The following PKD1 variants were observed in gnomAD, a reference collection of about 807,000 sequenced individuals.
The protein encoded by PKD1 is polycystin 1, transient receptor potential channel interacting, also known as polycystin-1.
Under a neutral mutation model 361.7 loss-of-function variants are expected in PKD1, and 81 were observed. The ratio of observed to expected loss-of-function variants is 0.22; its 90% CI spans 0.19 to 0.27. PKD1 has a LOEUF of 0.27. PKD1 is among the 10% of genes least tolerant of loss of function. The pLI is 1.00. For missense variants in PKD1, 6,399 were observed against 6,118.3 expected, an observed-to-expected ratio of 1.05 and a Z score of -1.53; for synonymous variants, 3,615 against 2,818.3, an observed-to-expected ratio of 1.28 and a Z score of -8.95.
chr16:2,121,524 G>A (rs1180574369), intron 1 of PKD1, among the ~76,000 whole-genome samples: 2 of 152,202 alleles, frequency 1.3e-5, no homozygotes, highest in African/African-American at 4.8e-5. Context: ...AGTCAGTGAA[G>A]AAAAAGCAAC....
In PKD1 at chr16:2,091,692, C is replaced by T; in HGVS notation, c.11537+89G>A. On this transcript the variant is annotated intron_variant, in intron 41 of 45. Coordinates refer to ENST00000262304, the MANE Select transcript of PKD1 (RefSeq NM_001009944.3). ...CGTGGCTGAGGGGCTGTGGAAGCCG[C>T]CTAGGCCAGCGGGGGCCGGAGGAGT... 5 of 1,571,902 alleles carry T rather than the reference C, an allele frequency of 3.2e-6. No homozygotes were observed. In the South Asian group the frequency reaches 5.7e-5, roughly 18 times the overall value.
Position 2,106,347 on chromosome 16 carries a change from G to C in PKD1, c.7490-43C>G, listed in dbSNP as rs4080088. ...CGGCATCACGGGAGGGCTCCGTGAC[G>C]TCACAGAGTCGGGGGATCCCGCTGC... On this transcript the variant is annotated intron_variant, in intron 18 of 45. Coordinates refer to ENST00000262304, the MANE Select transcript of PKD1 (RefSeq NM_001009944.3). This position sits in a 1 kb window ranked among gnomAD's most constrained non-coding sequence, Gnocchi z 6.5. 40 of 1,603,064 alleles carry C rather than the reference G, an allele frequency of 2.5e-5. 1 individual carries two copies. Among genetic ancestry groups the C allele is most frequent in the East Asian group, 6.7e-5 (3 of 44,632 alleles).
rs1442705119 is a variant in PKD1 at position 2,116,047 on chromosome 16, C to T, written c.1794G>A (p.Glu598=). The T allele has an allele frequency of 1.8e-5, 28 of 1,530,618 alleles. No individual in the cohort carries two copies. The highest frequency in any genetic ancestry group is 8.3e-5 in the African/African-American group (6 of 72,710). The allele number at this position is 1,530,618 out of a possible 1,614,324, so 94.8% of individuals were successfully genotyped here. A position where few individuals can be genotyped will look rare whatever the true frequency, so the allele number is the denominator to read the frequency against. ...GCCGCAGCTGGGCGGGCCGCCGGAG[C>T]TCCTGGGTCCCAAATTCGGCCGTGG... ...FLTTAEFGTQ[E]LRRPAQLRLQ... Residue 598 remains glutamate (E), a synonymous_variant, in exon 9 of 46, where the codon GAG becomes GAA. Transcript: ENST00000262304.
At chr16:2,131,448 C>G (rs1451474201) in intron 1 of PKD1, among the ~76,000 whole-genome samples, 3 of 151,928 alleles carry the variant, frequency 2.0e-5, no homozygotes, top group Non-Finnish European at 4.4e-5. Flanking sequence ...GCGGAGCTTG[C>G]AGTGAGCTGA....
rs1262028512 is a variant in PKD1, at chr16:2,090,454, G to A, written c.12275C>T (p.Ala4092Val). The A allele has an allele frequency of 2.5e-6, 4 of 1,612,210 alleles. No individual in the cohort carries two copies. The highest frequency in any genetic ancestry group is 1.3e-5 in the African/African-American group (1 of 74,908). The change falls in exon 45 of 46, where the codon GCA (alanine) becomes GTA (valine). Residue 4092 changes from alanine to valine, a missense_variant. Ala to Val is a moderately conservative substitution (Grantham distance 64, BLOSUM62 0). Transcript: ENST00000262304. Reference sequence around the variant, plus strand: ...CCGTAGGGCGCCCCACAGCCGCAGTGCCCAGAGCCCCACACACAGCAGGGG... The same window carrying A: ...CCGTAGGGCGCCCCACAGCCGCAGTACCCAGAGCCCCACACACAGCAGGGG... ...LSPLLCVGLWALRLWGALRLG... is the reference protein window; with the variant it reads ...LSPLLCVGLWVLRLWGALRLG...
intron 16 of PKD1, 156 bp from the exon 17 acceptor site, chr16:2,107,104 G>A (rs1209455683): frequency 4.1e-6 from 3 of 731,798 alleles, no homozygotes; most frequent in Non-Finnish European, 7.2e-6. Context: ...CATCCGGTTT[G>A]CCACCTTCCA....
Position 2,111,666 on chromosome 16 carries a change from G to C in PKD1, c.3501C>G (p.Ser1167=). The C allele has an allele frequency of 6.3e-7, 1 of 1,575,240 alleles. No homozygotes were observed. The highest frequency in any genetic ancestry group is 8.6e-7 in the Non-Finnish European group (1 of 1,161,804). The part of the protein sequence containing the change: ...VLYTWDFGDG[S]PVLTQSQPAA... ...CCGGCTGGCTCTGGGTCAGGACAGG[G>C]GAGCCGTCCCCGAAGTCCCACGTGT... The change falls in exon 15 of 46, where the codon TCC becomes TCG. Residue 1167 remains serine, a synonymous_variant. Transcript: ENST00000262304.
At position 2,094,140 on chromosome 16, in the gene PKD1, G is replaced by C; in HGVS notation, c.10570C>G (p.Pro3524Ala). 1.9e-6 allele frequency: 3 copies of C among 1,597,756 alleles called. No individual in the cohort carries two copies. Among genetic ancestry groups the C allele is most frequent in the Non-Finnish European group, 2.6e-6 (3 of 1,172,298 alleles). The part of the protein sequence containing the change: ...QRLGELGPPS[P>A]GLNWEQPQAA... Reference sequence around the variant, plus strand: ...TGGGGCTGTTCCCAGTTCAGGCCTGGGCTGGGTGGCCCCAGCTCCCCCAGC... The same window carrying C: ...TGGGGCTGTTCCCAGTTCAGGCCTGCGCTGGGTGGCCCCAGCTCCCCCAGC... The change falls in exon 35 of 46, where the codon CCA (proline) becomes GCA (alanine). Residue 3524 changes from proline (P) to alanine (A), a missense_variant. By Grantham distance (27) the Pro-to-Ala change is conservative (BLOSUM62 -1). Transcript: ENST00000262304.
chr16:2,099,360 C>G, intron 30 of PKD1: 3 of 466,356 alleles, frequency 6.4e-6, no homozygotes, highest in Non-Finnish European at 1.2e-5. Flanking sequence ...GCGTGCACAG[C>G]CGCGTGCTTG....
chr16:2,124,776 G>A (rs1421480556), intron 1 of PKD1, among the ~76,000 whole-genome samples: 17 of 152,214 alleles, frequency 1.1e-4, no homozygotes, highest in Admixed American at 2.0e-4. Flanking sequence ...CGCGCTGGCC[G>A]CCTCACTGGA....
intron 30 of PKD1, chr16:2,099,242 G>A (rs370770122): frequency 3.9e-5 from 14 of 354,860 alleles, no homozygotes; most frequent in East Asian, 2.2e-4. Flanking sequence ...GATTACAGGC[G>A]TGAGCCACCA....
rs1374994784 is a variant in PKD1 at position 2,119,194 on chromosome 16, G to C, written c.288-9C>G. 6.4e-7 allele frequency: 1 copy of C among 1,561,810 alleles called. No individual in the cohort carries two copies. Among genetic ancestry groups the C allele is most frequent in the Non-Finnish European group, 8.7e-7 (1 of 1,149,446 alleles). On this transcript the variant is annotated splice_polypyrimidine_tract_variant and intron_variant, in intron 2 of 45. Transcript: ENST00000262304. ...TGTTGTTGCTTATATCCCTGGAAGA[G>C]ACGGGGGATTCGGCAAAGCTGATGG...
Position 2,100,061 on chromosome 16 carries a change from G to C in PKD1, c.9723C>G (p.Ala3241=). 1 of 1,598,176 alleles carries C rather than the reference G, an allele frequency of 6.3e-7. No individual in the cohort carries two copies. Residue 3241 remains alanine (A), a synonymous_variant, in exon 29 of 46, where the codon GCC becomes GCG. Coordinates refer to ENST00000262304, the MANE Select transcript of PKD1 (RefSeq NM_001009944.3). The surrounding 1 kb of genome is among the most constrained non-coding windows in gnomAD (Gnocchi z 4.4). ...CCAGCAGGCGCCGGAAGCGCAAAAG[G>C]GCTGCGTCGCCTAGAAGGCAGGGAG... The part of the protein sequence containing the change: ...EKEVLAASDA[A]LLRFRRLLVA...
chr16:2,108,272 C>A lies in PKD1; in HGVS notation c.6895G>T (p.Ala2299Ser). 2 of 1,601,560 alleles carry A rather than the reference C, an allele frequency of 1.2e-6. No individual in the cohort carries two copies. The highest frequency in any genetic ancestry group is 1.7e-6 in the Non-Finnish European group (2 of 1,173,216). ...CTGACCTGTGTCGAAGCCACACAGG[C>A]CCAGTGGAAACTGAGCGGCGTCTGG... ...GDQTPLSFHW[A>S]CVASTQREAG... The change falls in exon 15 of 46, where the codon GCC becomes TCC. Residue 2299 changes from alanine to serine, a missense_variant. By Grantham distance (99) the Ala-to-Ser change is moderately conservative. Coordinates refer to ENST00000262304, the MANE Select transcript of PKD1 (RefSeq NM_001009944.3).
In PKD1 at chr16:2,090,908, C is replaced by G. The variant is rs80360484; in HGVS notation, c.11979G>C (p.Ser3993=). The G allele has an allele frequency of 1.4e-5, 22 of 1,594,526 alleles. No homozygotes were observed. The highest frequency in any genetic ancestry group is 2.2e-5 in the East Asian group (1 of 44,590). ...LSSAARGLAA[S]LLFLLLVKAA... is the part of the protein sequence containing the mutation. ...CCTTGACCAAAAGCAGGAAGAGCAG[C>G]GAGGCCGCCAGGCCACGGGCTGCGG... Residue 3993 remains serine (S), a synonymous_variant, in exon 43 of 46, where the codon TCG becomes TCC. Transcript: ENST00000262304.
At chr16:2,117,131 C>T (rs1186610465) in intron 6 of PKD1, 78 bp from the exon 7 acceptor site, 2 of 732,898 alleles carry the variant, frequency 2.7e-6, no homozygotes, top group East Asian at 5.4e-5. Context: ...CGCTGGGAGC[C>T]CCATCACTGT....
chr16:2,115,944 C>G (rs1216389335), intron 9 of PKD1, 48 bp downstream of exon 9: 1 of 1,538,274 alleles, frequency 6.5e-7, no homozygotes, highest in African/African-American at 1.4e-5. Context: ...GAGGCCACCC[C>G]GAGTCCTGCG....
Position 2,116,535 on chromosome 16 carries a change from G to A in PKD1, c.1716C>T (p.Pro572=), listed in dbSNP as rs775585823. 3.9e-6 allele frequency: 6 copies of A among 1,528,722 alleles called. No individual in the cohort carries two copies. In the South Asian group the frequency reaches 4.7e-5, roughly 12 times the overall value. 94.7% of individuals were successfully genotyped at this position (1,528,722 alleles called of 1,614,324 possible). ...QQDGLSAPHE[P]VEVMVFPGLR... is the part of the protein sequence containing the mutation. ...AACGTGGGGGGCCGACTACCTCCAC[G>A]GGCTCGTGCGGGGCTGAGAGGCCGT... Residue 572 remains proline (P), a synonymous_variant, in exon 8 of 46, where the codon CCC becomes CCT. Coordinates refer to ENST00000262304, the MANE Select transcript of PKD1 (RefSeq NM_001009944.3).
At position 2,114,002 on chromosome 16, in the gene PKD1, A is replaced by G. The variant is rs889236535; in HGVS notation, c.2853+168T>C. ...GAGCCGTGACTTTCCAGGAATTTAA[A>G]GCCCACCAGGTAGCCCGAGGAGCCA... On this transcript the variant is annotated intron_variant, in intron 11 of 45. Coordinates refer to ENST00000262304, the MANE Select transcript of PKD1 (RefSeq NM_001009944.3). 4 of 625,918 alleles carry G rather than the reference A, an allele frequency of 6.4e-6. No homozygotes were observed. In the African/African-American group the frequency reaches 7.4e-5, roughly 12 times the overall value. 38.8% of individuals were successfully genotyped at this position (625,918 alleles called of 1,614,324 possible). A position where few individuals can be genotyped will look rare whatever the true frequency, so the allele number is the denominator to read the frequency against.
Sources: allele counts gnomAD v4.1 joint callset (sites outside exome capture counted in the v4.1 genomes callset), GRCh38; gene constraint gnomAD v4.1.1; non-coding constraint Gnocchi (gnomAD v3.1); transcripts MANE v1.5; gene names NCBI Gene and HGNC (gene_info 2026-07-23, HGNC 2026-07-21).